Variants in PRPSAP2 observed in about 807,000 individuals in gnomAD.
PRPSAP2 encodes phosphoribosyl pyrophosphate synthetase associated protein 2, also known as phosphoribosyl pyrophosphate synthase-associated protein 2.
A neutral mutation model predicts 40.6 loss-of-function variants in PRPSAP2; 24 were observed. The observed-to-expected ratio is 0.59, with a 90% CI of 0.43 to 0.83. PRPSAP2 has a LOEUF of 0.83. PRPSAP2 is among the 40% of genes least tolerant of loss of function. The pLI, the probability that PRPSAP2 is intolerant of heterozygous loss-of-function variation, is 0.00. For synonymous variants in PRPSAP2, 149 were observed against 164.7 expected (o/e 0.90, Z 0.73); for missense variants, 292 against 465.6 (o/e 0.63, Z 3.43).
intron 8 of PRPSAP2, among the ~76,000 whole-genome samples, chr17:18,909,804 T>C (rs540108077): frequency 6.9e-4 from 105 of 151,600 alleles, no homozygotes; most frequent in African/African-American, 2.5e-3. Context: ...ACTTGGGAGG[T>C]TGAGGCAGGA....
chr17:18,916,933 AT>A (rs547180965), intron 9 of PRPSAP2, among the ~76,000 whole-genome samples: 234 of 152,276 alleles, frequency 1.5e-3, no homozygotes, highest in Middle Eastern at 0.014. Flanking sequence ...ATACTATCAC[AT>A]TGGGTATTAA....
In PRPSAP2 at chr17:18,868,801, C is replaced by T. The variant is rs549680381; in HGVS notation, c.172+1467C>T. Among the ~76,000 whole-genome samples, 4 of 151,296 alleles carry T rather than the reference C, an allele frequency of 2.6e-5. 1 individual carries two copies. Among genetic ancestry groups the T allele is most frequent in the African/African-American group, 9.7e-5 (4 of 41,166 alleles). ...TCAAACTCTGGGCAAAAGCAGTTCT[C>T]CTATTTCAGCCCCCCAAAGTGCTAG... is the stretch of plus-strand genomic sequence containing the variant. On this transcript the variant is annotated intron_variant, in intron 4 of 11. Coordinates refer to ENST00000268835, the MANE Select transcript of PRPSAP2 (RefSeq NM_002767.4).
At chr17:18,893,020 A>G (rs1156486055) in intron 8 of PRPSAP2, among the ~76,000 whole-genome samples, 1 of 151,980 alleles carries the variant, frequency 6.6e-6, no homozygotes, top group Non-Finnish European at 1.5e-5. Context: ...CACTCTTTAT[A>G]TATTCTACAT....
chr17:18,890,299 A>G (rs1431978404), intron 8 of PRPSAP2, among the ~76,000 whole-genome samples: 2 of 151,776 alleles, frequency 1.3e-5, no homozygotes, highest in Admixed American at 1.3e-4. Context: ...CCTCCCAAGT[A>G]GCTGGGATTA....
chr17:18,898,698 G>C (rs2040072229), intron 8 of PRPSAP2, among the ~76,000 whole-genome samples: 1 of 152,140 alleles, frequency 6.6e-6, no homozygotes, highest in Non-Finnish European at 1.5e-5. Context: ...GTTTTCAAAA[G>C]TTTAATTATG....
At chr17:18,867,483 T>G (rs1282043641) in intron 4 of PRPSAP2, 149 bp downstream of exon 4, 4 of 875,810 alleles carry the variant, frequency 4.6e-6, no homozygotes, top group Non-Finnish European at 7.0e-6. Context: ...AACAGAGTGG[T>G]TTTTTAGCTC....
intron 4 of PRPSAP2, 132 bp downstream of exon 4, chr17:18,867,466 A>C (rs1274375792): frequency 1.9e-6 from 2 of 1,064,658 alleles, no homozygotes; most frequent in Non-Finnish European, 1.4e-6. Flanking sequence ...TCAGGCAGGC[A>C]AGGTAGAACA....
At chr17:18,917,734 C>T (rs2151963853) in intron 9 of PRPSAP2, among the ~76,000 whole-genome samples, 1 of 150,694 alleles carries the variant, frequency 6.6e-6, no homozygotes, top group East Asian at 2.0e-4. Context: ...CAAGATGACT[C>T]CTTAATAGGG....
intron 9 of PRPSAP2, among the ~76,000 whole-genome samples, chr17:18,917,144 C>T (rs8070707): frequency 0.35 from 52,794 of 151,718 alleles, 9,408 homozygotes; most frequent in South Asian, 0.48. Context: ...ATGCCACCTT[C>T]GAGTTGTTGG....
intron 10 of PRPSAP2, among the ~76,000 whole-genome samples, chr17:18,925,067 C>T (rs898844041): frequency 1.3e-5 from 2 of 151,990 alleles, no homozygotes; most frequent in African/African-American, 2.4e-5. Context: ...TTGCAGTGAG[C>T]CAAGATTGTG....
intron 5 of PRPSAP2, among the ~76,000 whole-genome samples, chr17:18,876,454 T>C (rs1424084256): frequency 1.3e-5 from 2 of 152,222 alleles, no homozygotes; most frequent in African/African-American, 4.8e-5. Context: ...GAGAACCTAC[T>C]CACCTGAATG....
chr17:18,919,780 C>T (rs889947836), intron 9 of PRPSAP2, among the ~76,000 whole-genome samples: 13 of 152,158 alleles, frequency 8.5e-5, no homozygotes, highest in African/African-American at 3.1e-4. Context: ...AAAGAGAAAG[C>T]GACTTCCCTG....
upstream of PRPSAP2, among the ~76,000 whole-genome samples, chr17:18,857,102 G>A (rs142702104): frequency 9.3e-4 from 141 of 152,248 alleles, 5 homozygotes; most frequent in East Asian, 0.018. Context: ...AGGAGGCGGA[G>A]GCGGGCGGAT....
chr17:18,857,586 T>TTA (rs1363887692), upstream of PRPSAP2, among the ~76,000 whole-genome samples: 35 of 149,588 alleles, frequency 2.3e-4, no homozygotes, highest in South Asian at 8.4e-4. Context: ...GCTAATTTTT[T>TTA]TTTTTTGTAT....
chr17:18,930,280 A>C (rs2042192681), intron 11 of PRPSAP2, among the ~76,000 whole-genome samples: 2 of 152,200 alleles, frequency 1.3e-5, no homozygotes. Context: ...AGGCTGAAGC[A>C]GGAGAATGGC....
At chr17:18,894,834 A>G (rs1232374243) in intron 8 of PRPSAP2, among the ~76,000 whole-genome samples, 1 of 152,110 alleles carries the variant, frequency 6.6e-6, no homozygotes, top group East Asian at 1.9e-4. Flanking sequence ...GTTCTTCAAT[A>G]TTGTGTTGGC....
intron 6 of PRPSAP2, among the ~76,000 whole-genome samples, chr17:18,881,410 G>A (rs2038728015): frequency 6.6e-6 from 1 of 151,332 alleles, no homozygotes; most frequent in East Asian, 2.0e-4. Flanking sequence ...GCTAATTTTT[G>A]TGTTTTTAGT....
chr17:18,915,292 C>T (rs1394218019), intron 9 of PRPSAP2, among the ~76,000 whole-genome samples: 1 of 152,128 alleles, frequency 6.6e-6, no homozygotes, highest in Non-Finnish European at 1.5e-5. Flanking sequence ...TCCCAAAGTG[C>T]TGAAATTACA....
At chr17:18,926,219 C>A (rs367664149) in intron 10 of PRPSAP2, among the ~76,000 whole-genome samples, 1 of 151,806 alleles carries the variant, frequency 6.6e-6, no homozygotes, top group Non-Finnish European at 1.5e-5. Context: ...CCTTTCCCCC[C>A]GTTCTAGTGC....
Sources: gnomAD v4.1 joint callset for allele counts (sites outside exome capture counted in the v4.1 genomes callset) on GRCh38, gnomAD v4.1.1 for gene constraint, MANE v1.5 for transcripts, NCBI Gene and HGNC (gene_info 2026-07-23, HGNC 2026-07-21) for gene names.